The following INTS10 variants were observed in gnomAD, a reference collection of about 807,000 sequenced individuals.
INTS10 encodes the protein integrator complex subunit 10.
INTS10 carries 44 observed loss-of-function variants against 94.4 expected under a neutral mutation model. That is an observed-to-expected ratio of 0.47 (90% CI 0.37 to 0.60). The LOEUF is 0.60. Among genes scored for constraint, INTS10 ranks in the 20% least tolerant of loss-of-function variants. INTS10 has a pLI of 0.00. For missense variants in INTS10, 797 were observed against 868.7 expected, an observed-to-expected ratio of 0.92 and a Z score of 1.04; for synonymous variants, 341 against 320.7, an observed-to-expected ratio of 1.06 and a Z score of -0.68.
rs577947764 is a variant in INTS10 at position 19,827,260 on chromosome 8, C to G, written c.1140+701C>G. ...GAAGCTGTGCTCTGTGGTTACAGTG[C>G]TTTTCCCTTGGATCTCTGCCTGGCT... On this transcript the variant is annotated intron_variant, in intron 9 of 16. Transcript: ENST00000397977. Among the ~76,000 whole-genome samples, 5 of 152,294 alleles carry G rather than the reference C, an allele frequency of 3.3e-5. No individual in the cohort carries two copies. In the South Asian group the frequency reaches 6.2e-4, roughly 19 times the overall value.
chr8:19,829,915 T>C (rs1779509843), intron 9 of INTS10, among the ~76,000 whole-genome samples: 1 of 152,234 alleles, frequency 6.6e-6, no homozygotes, highest in African/African-American at 2.4e-5. Context: ...TGATCTGTCC[T>C]CCTCGGCCTC....
At position 19,825,000 on chromosome 8, in the gene INTS10, A is replaced by G. The variant is rs541720359; in HGVS notation, c.1006+28A>G. The G allele has an allele frequency of 1.8e-5, 28 of 1,593,530 alleles. 1 individual carries two copies. The South Asian group carries it at 2.3e-4, about 13-fold the overall frequency. On this transcript the variant is annotated intron_variant, in intron 8 of 16. Transcript: ENST00000397977. ...TGGTTTACAAATTTTAGAGTGTCCA[A>G]AAAGCCAGTTCATACTGTGGGGATG...
intron 13 of INTS10, among the ~76,000 whole-genome samples, chr8:19,840,503 G>A (rs2068046022): frequency 6.6e-6 from 1 of 152,000 alleles, no homozygotes; most frequent in South Asian, 2.1e-4. Context: ...GTTTTAAAAA[G>A]ACACAATTAA....
intron 3 of INTS10, among the ~76,000 whole-genome samples, 173 bp downstream of exon 3, chr8:19,819,849 A>C (rs535458482): frequency 1.3e-5 from 2 of 152,302 alleles, no homozygotes; most frequent in African/African-American, 4.8e-5. Flanking sequence ...GAACCCTTTA[A>C]GCTTCTTTAA....
chr8:19,840,798 A>G (rs915599209), intron 13 of INTS10, among the ~76,000 whole-genome samples: 2 of 152,228 alleles, frequency 1.3e-5, no homozygotes, highest in African/African-American at 2.4e-5. Flanking sequence ...ATTTCTGCAG[A>G]ACAGAAAGTT....
chr8:19,835,567 A>ACT (rs1205558902), intron 12 of INTS10, among the ~76,000 whole-genome samples: 2 of 152,222 alleles, frequency 1.3e-5, no homozygotes, highest in African/African-American at 4.8e-5. Flanking sequence ...GATTGATAGA[A>ACT]AAGATTGGCT....
Position 19,844,240 on chromosome 8 carries a change from T to C in INTS10, c.1882+2T>C. 1 of 1,594,522 alleles carries C rather than the reference T, an allele frequency of 6.3e-7. No individual in the cohort carries two copies. Among genetic ancestry groups the C allele is most frequent in the Non-Finnish European group, 8.6e-7 (1 of 1,163,570 alleles). The stretch of plus-strand genomic sequence containing the variant: ...AGAATTTTTTCAATTACGTTACAAG[T>C]ATCCTTTTTTCTTGTTTAAGCATAA... On this transcript the variant is annotated splice_donor_variant, in intron 15 of 16. Transcript: ENST00000397977. LOFTEE classifies it high-confidence loss of function.
In INTS10 at chr8:19,844,239, G is replaced by T. The variant is rs2068384252; in HGVS notation, c.1882+1G>T. 1 of 1,597,932 alleles carries T rather than the reference G, an allele frequency of 6.3e-7. No homozygotes were observed. On this transcript the variant is annotated splice_donor_variant, in intron 15 of 16. Coordinates refer to ENST00000397977, the MANE Select transcript of INTS10 (RefSeq NM_018142.4). LOFTEE classifies it high-confidence loss of function. ...GAGAATTTTTTCAATTACGTTACAA[G>T]TATCCTTTTTTCTTGTTTAAGCATA...
At position 19,817,553 on chromosome 8, in the gene INTS10, G is replaced by C. The variant is rs749125875; in HGVS notation, c.16G>C (p.Asp6His). 1.9e-6 allele frequency: 3 copies of C among 1,608,478 alleles called. No individual in the cohort carries two copies. The highest frequency in any genetic ancestry group is 2.5e-6 in the Non-Finnish European group (3 of 1,178,388). ...CGCTCGGGTCATGTCTGCCCAGGGG[G>C]ACTGCGAGTTCCTGGTGCAGCGAGC... MSAQG[D>H]CEFLVQRARE... The change falls in exon 1 of 17, where the codon GAC becomes CAC. Residue 6 changes from aspartate to histidine, a missense_variant. Physicochemically the swap from Asp to His is moderately conservative, Grantham distance 81. Transcript: ENST00000397977.
chr8:19,826,327 C>T, intron 8 of INTS10, 99 bp from the exon 9 acceptor site: 4 of 1,256,330 alleles, frequency 3.2e-6, no homozygotes, highest in South Asian at 1.6e-5. Flanking sequence ...GGCAATCCTC[C>T]TGCCTCAGCC....
At chr8:19,840,711 C>T (rs372278040) in intron 13 of INTS10, among the ~76,000 whole-genome samples, 41 of 151,852 alleles carry the variant, frequency 2.7e-4, no homozygotes, top group African/African-American at 9.2e-4. Flanking sequence ...GAGCAGATTA[C>T]GTTGTATATG....
intron 6 of INTS10, 75 bp from the exon 7 acceptor site, chr8:19,823,798 G>C (rs2066576905): frequency 7.6e-7 from 1 of 1,320,852 alleles, no homozygotes; most frequent in East Asian, 2.4e-5. Context: ...TGGGGAGTCA[G>C]ACTTTCTTTA....
rs749339331 is a variant in INTS10, at chr8:19,842,916, G to A, written c.1708G>A (p.Ala570Thr). Residue 570 changes from alanine to threonine, a missense_variant, in exon 14 of 17, where the codon GCC (alanine) becomes ACC (threonine). Transcript: ENST00000397977. Reference protein sequence around the residue: ...IMPYCLHLMLACFKLRAFTDN... With the variant: ...IMPYCLHLMLTCFKLRAFTDN... The stretch of plus-strand genomic sequence containing the variant: ...GCCATACTGCCTCCATTTAATGTTA[G>A]CCTGTTTTAAGGTAAGCTTAAAGTT... The A allele has an allele frequency of 3.7e-6, 6 of 1,607,050 alleles. No individual in the cohort carries two copies. The highest frequency in any genetic ancestry group is 5.1e-6 in the Non-Finnish European group (6 of 1,174,020).
At chr8:19,850,338 A>G (rs560458702) in intron 16 of INTS10, among the ~76,000 whole-genome samples, 4 of 152,164 alleles carry the variant, frequency 2.6e-5, no homozygotes, top group East Asian at 3.9e-4. Flanking sequence ...TGTCCTAACT[A>G]CTGAGCTACC....
intron 4 of INTS10, 62 bp from the exon 5 acceptor site, chr8:19,822,377 T>A (rs2066446761): frequency 1.1e-6 from 1 of 934,832 alleles, no homozygotes; most frequent in Non-Finnish European, 1.7e-6. Flanking sequence ...CCCCATTACT[T>A]CATATAGTTC....
chr8:19,840,062 C>CAAA (rs56275270), intron 13 of INTS10, among the ~76,000 whole-genome samples: 16 of 70,324 alleles, frequency 2.3e-4, no homozygotes, highest in South Asian at 2.1e-3. Context: ...GACCTTGTCT[C>CAAA]AAAAAAAAAA....
chr8:19,823,201 T>G, intron 5 of INTS10, 100 bp from the exon 6 acceptor site: 1 of 876,846 alleles, frequency 1.1e-6, no homozygotes, highest in East Asian at 2.5e-5. Context: ...CCTATATATT[T>G]TAGATACTAC....
intron 1 of INTS10, among the ~76,000 whole-genome samples, 165 bp downstream of exon 1, chr8:19,817,831 C>G (rs565559469): frequency 1.3e-5 from 2 of 151,188 alleles, no homozygotes; most frequent in African/African-American, 4.9e-5. Context: ...CATCCTACAC[C>G]TTGCTCCTAC....
At chr8:19,844,319 C>T in intron 15 of INTS10, 81 bp downstream of exon 15, 1 of 1,051,442 alleles carries the variant, frequency 9.5e-7, no homozygotes, top group Non-Finnish European at 1.4e-6. Context: ...ATGAACCATT[C>T]TGGATAGAAA....
Sources: gnomAD v4.1 joint callset for allele counts (sites outside exome capture counted in the v4.1 genomes callset) on GRCh38, gnomAD v4.1.1 for gene constraint, MANE v1.5 for transcripts, NCBI Gene and HGNC (gene_info 2026-07-23, HGNC 2026-07-21) for gene names.